The following ADAMTS19 variants were observed in gnomAD, a reference collection of about 807,000 sequenced individuals.
ADAMTS19 encodes the protein ADAM metallopeptidase with thrombospondin type 1 motif 19.
In ADAMTS19, 93 loss-of-function variants were observed where a neutral mutation model predicts 153.3. That is an observed-to-expected ratio of 0.61 (90% CI 0.51 to 0.72). The LOEUF (loss-of-function observed/expected upper bound fraction) is 0.72, where lower values mean the gene tolerates loss of function less well. Ranked by LOEUF, ADAMTS19 falls within the 30% of genes least tolerant of loss-of-function variation. The pLI, the probability that ADAMTS19 is intolerant of heterozygous loss-of-function variation, is 0.00. For synonymous variants in ADAMTS19, 600 were observed against 556.6 expected, an observed-to-expected ratio of 1.08 and a Z score of -1.10; for missense variants, 1,482 against 1,552.1, an observed-to-expected ratio of 0.95 and a Z score of 0.76.
rs1391836830 is a variant in ADAMTS19 at position 129,576,613 on chromosome 5, A to AT, written c.1373-19940dup. 7.8e-5 allele frequency among the ~76,000 whole-genome samples: 11 copies of AT among 141,298 alleles called. 1 individual carries two copies. The East Asian group carries it at 2.1e-3, about 27-fold the overall frequency. The allele number at this position is 141,298 out of a possible 152,430, so 92.7% of individuals were successfully genotyped here. A position where few individuals can be genotyped will look rare whatever the true frequency, so the allele number is the denominator to read the frequency against. On this transcript the variant is annotated intron_variant, in intron 7 of 22. Transcript: ENST00000274487. Reference sequence around the variant, plus strand: ...TTTTTTTTTTTTTAGTTAAATACCCATTTTTTCCAAATAGCCCCTCCTAAC... The same window carrying AT: ...TTTTTTTTTTTTTAGTTAAATACCCATTTTTTTCCAAATAGCCCCTCCTAAC...
intron 7 of ADAMTS19, among the ~76,000 whole-genome samples, chr5:129,567,212 G>A (rs186323338): frequency 7.1e-4 from 108 of 152,238 alleles, no homozygotes; most frequent in African/African-American, 2.5e-3. Flanking sequence ...CTTATAGCAT[G>A]AACCAAACTA....
chr5:129,537,657 T>G (rs1205547155), intron 6 of ADAMTS19, among the ~76,000 whole-genome samples: 2 of 151,942 alleles, frequency 1.3e-5, no homozygotes, highest in African/African-American at 4.8e-5. Context: ...ACCATCATTC[T>G]CAGCAAACTA....
intron 18 of ADAMTS19, among the ~76,000 whole-genome samples, chr5:129,686,300 C>T (rs1755085724): frequency 6.6e-6 from 1 of 151,652 alleles, no homozygotes; most frequent in Non-Finnish European, 1.5e-5. Flanking sequence ...AATTTAGGTG[C>T]AATAGGAGGA....
chr5:129,634,141 G>A (rs147918529), intron 10 of ADAMTS19, among the ~76,000 whole-genome samples: 12 of 152,158 alleles, frequency 7.9e-5, no homozygotes, highest in Admixed American at 3.9e-4. Flanking sequence ...CAGTGTTTTC[G>A]GTTTCCCTCA....
At chr5:129,474,079 C>A (rs1425041984) in intron 2 of ADAMTS19, among the ~76,000 whole-genome samples, 1 of 152,090 alleles carries the variant, frequency 6.6e-6, no homozygotes, top group Non-Finnish European at 1.5e-5. Flanking sequence ...TTCCTATCTA[C>A]AGTCCCAGGC....
chr5:129,480,006 T>C (rs888217521), intron 2 of ADAMTS19, among the ~76,000 whole-genome samples: 12 of 152,122 alleles, frequency 7.9e-5, no homozygotes, highest in Admixed American at 7.9e-4. Context: ...GCCAAAACAA[T>C]TCCGACAAGA....
intron 21 of ADAMTS19, among the ~76,000 whole-genome samples, chr5:129,724,705 AT>A (rs1757134899): frequency 6.6e-6 from 1 of 152,102 alleles, no homozygotes. Flanking sequence ...GTGTCTTCTG[AT>A]TTTGTGGTGA....
chr5:129,574,927 C>A (rs997486863), intron 7 of ADAMTS19, among the ~76,000 whole-genome samples: 4 of 151,408 alleles, frequency 2.6e-5, no homozygotes, highest in African/African-American at 9.7e-5. Context: ...AAACTGATGT[C>A]TTAAAAATAC....
At chr5:129,595,517 C>T (rs192164210) in intron 7 of ADAMTS19, among the ~76,000 whole-genome samples, 86 of 152,150 alleles carry the variant, frequency 5.7e-4, no homozygotes, top group African/African-American at 2.0e-3. Flanking sequence ...CACAAGCAGT[C>T]AGTTGACCAT....
intron 18 of ADAMTS19, 137 bp from the exon 19 acceptor site, chr5:129,694,583 A>G (rs1755471788): frequency 2.3e-6 from 1 of 429,614 alleles, no homozygotes; most frequent in Middle Eastern, 8.5e-4. Context: ...TGAATCAATA[A>G]AATTTAATAA....
chr5:129,621,875 T>TA (rs57023079), intron 9 of ADAMTS19, among the ~76,000 whole-genome samples: 6 of 152,290 alleles, frequency 3.9e-5, no homozygotes, highest in African/African-American at 1.4e-4. Flanking sequence ...TTTGGGCAAG[T>TA]TACTCTCTGA....
chr5:129,473,404 G>A (rs1750129403), intron 2 of ADAMTS19, among the ~76,000 whole-genome samples: 2 of 152,092 alleles, frequency 1.3e-5, no homozygotes, highest in African/African-American at 4.8e-5. Flanking sequence ...CTTACTGACA[G>A]AGGAAATTGT....
rs186262532 is a variant in ADAMTS19, at chr5:129,509,012, G to T, written c.748-65G>T. The T allele has an allele frequency of 1.6e-4, 214 of 1,336,072 alleles. 1 individual carries two copies. Among genetic ancestry groups the T allele is most frequent in the Non-Finnish European group, 2.1e-4 (205 of 990,892 alleles). The allele number at this position is 1,336,072 out of a possible 1,614,324, so 82.8% of individuals were successfully genotyped here. On this transcript the variant is annotated intron_variant, in intron 2 of 22. Coordinates refer to ENST00000274487, the MANE Select transcript of ADAMTS19 (RefSeq NM_133638.6). The stretch of plus-strand genomic sequence containing the variant: ...TTAACAAAAACAGAATGTATGAATG[G>T]AAGAATCTAAAAGTATTTTTTCAAA...
chr5:129,681,270 T>G (rs1431886583), intron 17 of ADAMTS19, among the ~76,000 whole-genome samples: 1 of 152,152 alleles, frequency 6.6e-6, no homozygotes, highest in Non-Finnish European at 1.5e-5. Context: ...AATCTGTATT[T>G]TTCACCACCT....
intron 2 of ADAMTS19, among the ~76,000 whole-genome samples, chr5:129,464,209 C>G (rs772707723): frequency 6.6e-6 from 1 of 152,174 alleles, no homozygotes; most frequent in Non-Finnish European, 1.5e-5. Flanking sequence ...CTTAAAATGT[C>G]TAGAGATCAA....
At chr5:129,635,292 T>C (rs972169559) in intron 10 of ADAMTS19, among the ~76,000 whole-genome samples, 1 of 152,170 alleles carries the variant, frequency 6.6e-6, no homozygotes, top group African/African-American at 2.4e-5. Flanking sequence ...AAGGGAACAC[T>C]TATATACTGT....
chr5:129,560,087 T>C (rs1443790828), intron 7 of ADAMTS19, among the ~76,000 whole-genome samples: 1 of 152,208 alleles, frequency 6.6e-6, no homozygotes. Flanking sequence ...ATATTTTAAG[T>C]GAGTATAAAA....
At chr5:129,627,687 A>T (rs1752111690) in intron 10 of ADAMTS19, among the ~76,000 whole-genome samples, 1 of 152,150 alleles carries the variant, frequency 6.6e-6, no homozygotes, top group South Asian at 2.1e-4. Flanking sequence ...AAGCATATTA[A>T]AAAAGGTCAG....
At chr5:129,469,627 G>A (rs886081466) in intron 2 of ADAMTS19, among the ~76,000 whole-genome samples, 2 of 152,144 alleles carry the variant, frequency 1.3e-5, no homozygotes, top group African/African-American at 4.8e-5. Context: ...TAGATATTCA[G>A]CAGTAATGGA....
Sources: allele counts gnomAD v4.1 joint callset (sites outside exome capture counted in the v4.1 genomes callset), GRCh38; gene constraint gnomAD v4.1.1; transcripts MANE v1.5; gene names NCBI Gene and HGNC (gene_info 2026-07-23, HGNC 2026-07-21).